Variants in SLC4A5 observed in about 807,000 individuals in gnomAD.
SLC4A5 encodes the protein solute carrier family 4 member 5.
In SLC4A5, 96 loss-of-function variants were observed where a neutral mutation model predicts 120.4. The observed-to-expected ratio is 0.80, with a 90% CI of 0.68 to 0.94. The LOEUF is 0.94. Ranked by LOEUF, SLC4A5 falls within the 40% of genes least tolerant of loss-of-function variation. The probability of loss-of-function intolerance (pLI) is 0.00; values close to 1 mark genes in which losing one functional copy is unlikely to be tolerated. For synonymous variants in SLC4A5, 550 were observed against 571.1 expected (o/e 0.96, Z 0.53); for missense variants, 1,259 against 1,459.5 (o/e 0.86, Z 2.24).
intron 23 of SLC4A5, 72 bp downstream of exon 23, chr2:74,233,330 T>A: frequency 6.5e-7 from 1 of 1,545,706 alleles, no homozygotes; most frequent in Non-Finnish European, 8.9e-7. Flanking sequence ...AGAAGCATCA[T>A]GTCCTTCCTT....
intron 8 of SLC4A5, among the ~76,000 whole-genome samples, chr2:74,285,223 T>C (rs888778618): frequency 3.3e-5 from 5 of 152,172 alleles, no homozygotes; most frequent in South Asian, 2.1e-4. Flanking sequence ...CACTGAAGCC[T>C]GGGCGACATA....
rs1458231152 is a variant in SLC4A5, at chr2:74,221,607, AAC to A, written c.3332-108_3332-107del. 5 of 1,121,908 alleles carry A rather than the reference AAC, an allele frequency of 4.5e-6. No individual in the cohort carries two copies. The African/African-American group carries it at 7.6e-5, about 17-fold the overall frequency. 69.5% of individuals were successfully genotyped at this position (1,121,908 alleles called of 1,614,324 possible). A position where few individuals can be genotyped will look rare whatever the true frequency, so the allele number is the denominator to read the frequency against. On this transcript the variant is annotated intron_variant, in intron 29 of 30. Transcript: ENST00000394019. ...CTTTTCCTTCTCTAACCCTAGAGCC[AAC>A]ACTATGCAAGAGGAATACGGGGCCT...
intron 8 of SLC4A5, among the ~76,000 whole-genome samples, chr2:74,283,595 C>T (rs1183561868): frequency 6.6e-6 from 1 of 152,128 alleles, no homozygotes; most frequent in African/African-American, 2.4e-5. Flanking sequence ...ACTACCCAGG[C>T]TAGTGAGGGA....
At position 74,257,471 on chromosome 2, in the gene SLC4A5, G is replaced by T. The variant is rs114747803; in HGVS notation, c.868-1539C>A. The stretch of plus-strand genomic sequence containing the variant: ...GTCTCCGAGCATCAGGCAGGGAGGG[G>T]GTCCAGGGAAGGGGAGGAGATACGG... On this transcript the variant is annotated intron_variant, in intron 12 of 30. Transcript: ENST00000394019. Among the ~76,000 whole-genome samples, 905 of 152,226 alleles carry T rather than the reference G, an allele frequency of 5.9e-3. 11 individuals are homozygous for T. The highest frequency in any genetic ancestry group is 0.02 in the African/African-American group (836 of 41,546).
chr2:74,222,143 C>G (rs1380444315), intron 29 of SLC4A5, among the ~76,000 whole-genome samples: 1 of 152,158 alleles, frequency 6.6e-6, no homozygotes, highest in Non-Finnish European at 1.5e-5. Context: ...GCTATGCTAC[C>G]TATTTCTCTA....
intron 12 of SLC4A5, among the ~76,000 whole-genome samples, chr2:74,256,880 G>A (rs1038058403): frequency 6.6e-6 from 1 of 152,324 alleles, no homozygotes; most frequent in Non-Finnish European, 1.5e-5. Flanking sequence ...GCAGGACTGG[G>A]TGCAGTCCAC....
Position 74,253,141 on chromosome 2 carries a change from G to A in SLC4A5, c.1114-13C>T, listed in dbSNP as rs781453259. 6.2e-7 allele frequency: 1 copy of A among 1,613,842 alleles called. No homozygotes were observed. On this transcript the variant is annotated splice_polypyrimidine_tract_variant and intron_variant, in intron 14 of 30. Transcript: ENST00000394019. ...CGTCACTGAAGAGCTGGCGAGGAGA[G>A]AGGAGGGAGAAAAGAAAGATCGGGT...
intron 4 of SLC4A5, among the ~76,000 whole-genome samples, chr2:74,333,432 C>G (rs373249474): frequency 1.3e-4 from 20 of 151,912 alleles, no homozygotes; most frequent in African/African-American, 4.8e-4. Flanking sequence ...GGTTCCTAAC[C>G]CAAGGAGTCA....
intron 6 of SLC4A5, chr2:74,307,713 C>T: frequency 1.2e-6 from 1 of 806,864 alleles, no homozygotes; most frequent in Non-Finnish European, 2.1e-6. Context: ...AGTCTCCAGG[C>T]TCCTCACTGT....
intron 8 of SLC4A5, among the ~76,000 whole-genome samples, chr2:74,276,384 G>T (rs1343102869): frequency 6.6e-6 from 1 of 152,140 alleles, no homozygotes; most frequent in Non-Finnish European, 1.5e-5. Context: ...AATGAAAGAA[G>T]AAAGGTGTGG....
intron 5 of SLC4A5, among the ~76,000 whole-genome samples, chr2:74,318,492 C>T (rs1673020501): frequency 6.6e-6 from 1 of 152,094 alleles, no homozygotes; most frequent in Non-Finnish European, 1.5e-5. Context: ...TCAAGACCAG[C>T]TTGGCTAACA....
chr2:74,284,319 G>A (rs1321922831), intron 8 of SLC4A5, among the ~76,000 whole-genome samples: 1 of 117,816 alleles, frequency 8.5e-6, no homozygotes. Flanking sequence ...TGGGACTACA[G>A]GCGCCCGCCA....
At chr2:74,245,957 A>G (rs944860896) in intron 19 of SLC4A5, among the ~76,000 whole-genome samples, 13 of 152,152 alleles carry the variant, frequency 8.5e-5, no homozygotes, top group Non-Finnish European at 1.3e-4. Context: ...AGGGAAACTG[A>G]GGCTTGGCAT....
chr2:74,335,078 G>A (rs1558919456), intron 3 of SLC4A5, among the ~76,000 whole-genome samples: 1 of 152,152 alleles, frequency 6.6e-6, no homozygotes, highest in Non-Finnish European at 1.5e-5. Context: ...CTGATTCAGG[G>A]ACGCCACAGA....
At chr2:74,301,306 C>T (rs535171863) in intron 7 of SLC4A5, among the ~76,000 whole-genome samples, 25 of 152,332 alleles carry the variant, frequency 1.6e-4, no homozygotes, top group African/African-American at 4.8e-4. Flanking sequence ...CTTATTGGAT[C>T]TTTGCCATTA....
chr2:74,237,521 T>C (rs1228690530), intron 21 of SLC4A5, among the ~76,000 whole-genome samples: 2 of 152,216 alleles, frequency 1.3e-5, no homozygotes, highest in African/African-American at 4.8e-5. Flanking sequence ...ACTCAGTTTA[T>C]ATACTGTGAA....
At chr2:74,315,447 G>GAAAAAAAAAAAA (rs57640033) in intron 5 of SLC4A5, among the ~76,000 whole-genome samples, 1 of 83,130 alleles carries the variant, frequency 1.2e-5, no homozygotes, top group Non-Finnish European at 3.1e-5. Context: ...CTTACGAAAA[G>GAAAAAAAAAAAA]AAAAAAAAAA....
At chr2:74,284,087 A>G (rs1671899362) in intron 8 of SLC4A5, among the ~76,000 whole-genome samples, 1 of 151,684 alleles carries the variant, frequency 6.6e-6, no homozygotes, top group Admixed American at 6.6e-5. Context: ...GGCTCAAGCA[A>G]TCTGCCTGTC....
chr2:74,313,682 A>G (rs1051747214), intron 6 of SLC4A5, among the ~76,000 whole-genome samples: 2 of 152,190 alleles, frequency 1.3e-5, no homozygotes, highest in African/African-American at 4.8e-5. Flanking sequence ...TCCCCACATC[A>G]TGGTGGAACT....
Sources: gnomAD v4.1 joint callset for allele counts (sites outside exome capture counted in the v4.1 genomes callset) on GRCh38, gnomAD v4.1.1 for gene constraint, MANE v1.5 for transcripts, NCBI Gene and HGNC (gene_info 2026-07-23, HGNC 2026-07-21) for gene names.